The following TNS1 variants were observed in gnomAD, a reference collection of about 807,000 sequenced individuals.
TNS1 encodes tensin 1.
TNS1 carries 62 observed loss-of-function variants against 168.6 expected under a neutral mutation model. That is an observed-to-expected ratio of 0.37 (90% CI 0.30 to 0.45). The LOEUF is 0.45. Ranked by LOEUF, TNS1 falls within the 20% of genes least tolerant of loss-of-function variation. TNS1 has a pLI of 1.00. For missense variants in TNS1, 2,240 were observed against 2,339.4 expected (o/e 0.96, Z 0.88); for synonymous variants, 934 against 933.2 (o/e 1.00, Z -0.02).
intron 7 of TNS1, 75 bp from the exon 8 acceptor site, chr2:217,898,044 C>T: frequency 6.8e-7 from 1 of 1,469,788 alleles, no homozygotes; most frequent in Non-Finnish European, 9.1e-7. Context: ...AGCTGCACCC[C>T]ATACACACCC....
chr2:218,028,685 G>A (rs1390468320), intron 1 of TNS1, among the ~76,000 whole-genome samples: 1 of 152,198 alleles, frequency 6.6e-6, no homozygotes, highest in Non-Finnish European at 1.5e-5. Context: ...CTATCCTTGG[G>A]GTAGATTTGC....
At chr2:217,903,189 A>C (rs1337882284) in intron 6 of TNS1, among the ~76,000 whole-genome samples, 1 of 152,136 alleles carries the variant, frequency 6.6e-6, no homozygotes, top group Non-Finnish European at 1.5e-5. Context: ...GAGTGCCACC[A>C]GCTGTGTGCC....
chr2:217,848,573 G>T lies in TNS1; in HGVS notation c.1944C>A (p.Asp648Glu), dbSNP rs754043363. Residue 648 changes from aspartate to glutamate, a missense_variant, in exon 19 of 33, where the codon GAC becomes GAA. Asp to Glu is a conservative substitution (Grantham distance 45). Transcript: ENST00000682258. ...CCCCCTCACTGGTGTTGGTGACCCC[G>T]TCCAGAGAAGAGAGTGTGCCCATGC... The part of the protein sequence containing the change: ...AGSMGTLSSL[D>E]GVTNTSEGGY... The T allele has an allele frequency of 6.2e-7, 1 of 1,614,190 alleles. No individual in the cohort carries two copies. The highest frequency in any genetic ancestry group is 1.6e-4 in the Middle Eastern group (1 of 6,062).
chr2:217,818,583 C>T lies in TNS1; in HGVS notation c.3749G>A (p.Ser1250Asn). Residue 1250 changes from serine (S) to asparagine (N), a missense_variant, in exon 24 of 33, where the codon AGC becomes AAC. Physicochemically the swap from Ser to Asn is conservative, Grantham distance 46. Transcript: ENST00000682258. ...PLPTVGSSYSSPDYSLQHFSS... is the reference protein window; with the variant it reads ...PLPTVGSSYSNPDYSLQHFSS... ...GAAATGCTGAAGTGAGTAGTCGGGG[C>T]TGCTGTAGCTACTGCCCACAGTCGG... 1 of 1,614,226 alleles carries T rather than the reference C, an allele frequency of 6.2e-7. No individual in the cohort carries two copies. The highest frequency in any genetic ancestry group is 8.5e-7 in the Non-Finnish European group (1 of 1,180,038).
At chr2:217,990,729 C>T (rs114425516) in intron 2 of TNS1, among the ~76,000 whole-genome samples, 2,476 of 152,334 alleles carry the variant, frequency 0.016, 55 homozygotes, top group African/African-American at 0.056. Flanking sequence ...AAGCTGCATG[C>T]CATTTCCATG....
intron 1 of TNS1, among the ~76,000 whole-genome samples, chr2:217,991,806 G>A (rs572432335): frequency 5.3e-5 from 8 of 151,290 alleles, no homozygotes; most frequent in African/African-American, 7.3e-5. Flanking sequence ...GCCCCAGCCC[G>A]GAAGGCTTCT....
intron 1 of TNS1, among the ~76,000 whole-genome samples, chr2:218,021,207 G>A (rs544174445): frequency 2.0e-5 from 3 of 152,214 alleles, no homozygotes; most frequent in South Asian, 2.1e-4. Context: ...TCCTGATGGA[G>A]AATGAGTCCA....
chr2:218,013,187 C>T (rs1299505073), upstream of TNS1, among the ~76,000 whole-genome samples: 13 of 151,156 alleles, frequency 8.6e-5, no homozygotes, highest in Admixed American at 4.0e-4. Context: ...ACCCAGGAGG[C>T]GGAGGTTGCA....
intron 32 of TNS1, 38 bp downstream of exon 32, chr2:217,808,037 G>A: frequency 2.5e-6 from 4 of 1,612,292 alleles, no homozygotes; most frequent in Non-Finnish European, 3.4e-6. Context: ...GAAGTACAAA[G>A]GCCAGCCTGC....
chr2:217,947,157 A>ACCTC (rs1327965695), intron 3 of TNS1, among the ~76,000 whole-genome samples: 2 of 148,260 alleles, frequency 1.3e-5, no homozygotes, highest in African/African-American at 2.5e-5. Flanking sequence ...CCTTGTCCCT[A>ACCTC]CCTCCCTCCC....
chr2:217,849,176 T>A, intron 18 of TNS1, 89 bp from the exon 19 acceptor site: 1 of 1,475,276 alleles, frequency 6.8e-7, no homozygotes, highest in Non-Finnish European at 9.1e-7. Context: ...AGAAAGAAGC[T>A]AAGAGCTCCC....
chr2:217,965,321 T>C (rs1957598481), intron 3 of TNS1, among the ~76,000 whole-genome samples: 1 of 152,188 alleles, frequency 6.6e-6, no homozygotes, highest in Admixed American at 6.5e-5. Context: ...CAGCATGATA[T>C]CAGCAAGATA....
In TNS1 at chr2:217,848,626, G is replaced by T. The variant is rs920537811; in HGVS notation, c.1891C>A (p.Pro631Thr). ...CCCGCACTGTGACCATCCTGGTTTG[G>T]CAATTCATCGTCCAGGATGTCTGTC... ...RETDILDDEL[P>T]NQDGHSAGSM... is the part of the protein sequence containing the mutation. Residue 631 changes from proline (P) to threonine (T), a missense_variant, in exon 19 of 33, where the codon CCA becomes ACA. Around this residue, in one of 2 missense-constraint regions of TNS1, gnomAD observed 2,131 missense variants for 2,171.2 expected, o/e 0.98. Coordinates refer to ENST00000682258, the MANE Select transcript of TNS1 (RefSeq NM_001387777.1). 1.9e-6 allele frequency: 3 copies of T among 1,614,198 alleles called. No homozygotes were observed. In the African/African-American group the frequency reaches 4.0e-5, roughly 22 times the overall value.
At chr2:218,006,349 CT>C (rs1373252495), upstream of TNS1, among the ~76,000 whole-genome samples, 2 of 152,242 alleles carry the variant, frequency 1.3e-5, no homozygotes, top group Non-Finnish European at 2.9e-5. Context: ...TCCAAGGTCC[CT>C]TCCAGCTCCA....
chr2:217,810,111 A>G, intron 29 of TNS1, 120 bp from the exon 30 acceptor site: 2 of 1,435,336 alleles, frequency 1.4e-6, no homozygotes, highest in Non-Finnish European at 1.9e-6. Context: ...GAGCCAAGGC[A>G]TCTGCACATA....
Position 217,906,355 on chromosome 2 carries a change from G to A in TNS1, c.301C>T (p.Arg101Trp), listed in dbSNP as rs531846757. 53 of 681,594 alleles carry A rather than the reference G, an allele frequency of 7.8e-5. No homozygotes were observed. The highest frequency in any genetic ancestry group is 7.3e-4 in the Admixed American group (35 of 47,726). The allele number at this position is 681,594 out of a possible 1,614,324, so 42.2% of individuals were successfully genotyped here. ...CTCACGTTGTCCTCGAGGCTTTTCC[G>A]TGTGTTTCCACCCCGGGAGGCTCCT... Reference protein sequence around the residue: ...GEGASRGGNTRKSLEDNGSTR... With the variant: ...GEGASRGGNTWKSLEDNGSTR... The change falls in exon 6 of 33, where the codon CGG (arginine) becomes TGG (tryptophan). Residue 101 changes from arginine to tryptophan, a missense_variant. Arg to Trp is a moderately radical substitution (Grantham distance 101). Around this residue, in one of 2 missense-constraint regions of TNS1, gnomAD observed 2,131 missense variants for 2,171.2 expected, o/e 0.98. Coordinates refer to ENST00000682258, the MANE Select transcript of TNS1 (RefSeq NM_001387777.1).
At chr2:217,894,702 A>G (rs1199070876) in intron 9 of TNS1, among the ~76,000 whole-genome samples, 1 of 152,080 alleles carries the variant, frequency 6.6e-6, no homozygotes, top group Non-Finnish European at 1.5e-5. Context: ...TGGAAGGTCG[A>G]AAGCAGCGGC....
intron 3 of TNS1, among the ~76,000 whole-genome samples, chr2:217,923,154 G>A (rs1955822683): frequency 6.6e-6 from 1 of 152,124 alleles, no homozygotes; most frequent in Non-Finnish European, 1.5e-5. Flanking sequence ...TCTGGGGGTG[G>A]CTATAGGGGG....
intron 18 of TNS1, among the ~76,000 whole-genome samples, chr2:217,873,260 G>T (rs142234130): frequency 2.6e-5 from 4 of 152,210 alleles, no homozygotes; most frequent in Admixed American, 2.6e-4. Context: ...AAACTATACC[G>T]CCATACACAC....
Sources: allele counts gnomAD v4.1 joint callset (sites outside exome capture counted in the v4.1 genomes callset), GRCh38; gene constraint gnomAD v4.1.1; regional missense constraint gnomAD v4.1.1; transcripts MANE v1.5; gene names NCBI Gene and HGNC (gene_info 2026-07-23, HGNC 2026-07-21).